The following OSBPL6 variants were observed in gnomAD, a reference collection of about 807,000 sequenced individuals.
The protein encoded by OSBPL6 is oxysterol-binding protein-related protein 6.
OSBPL6 carries 49 observed loss-of-function variants against 125.8 expected under a neutral mutation model. The observed-to-expected ratio is 0.39, with a 90% CI of 0.31 to 0.49. The LOEUF is 0.49. Among genes scored for constraint, OSBPL6 ranks in the 20% least tolerant of loss-of-function variants. The pLI, the probability that OSBPL6 is intolerant of heterozygous loss-of-function variation, is 0.88. For synonymous variants in OSBPL6, 394 were observed against 391.8 expected (o/e 1.01, Z -0.07); for missense variants, 986 against 1,135.4 (o/e 0.87, Z 1.89).
intron 2 of OSBPL6, among the ~76,000 whole-genome samples, chr2:178,286,279 T>C (rs1206870972): frequency 6.6e-6 from 1 of 152,212 alleles, no homozygotes; most frequent in Non-Finnish European, 1.5e-5. Context: ...TGCTAGTATT[T>C]TGCATTCCCT....
At chr2:178,220,660 C>T (rs2090300106) in intron 1 of OSBPL6, among the ~76,000 whole-genome samples, 1 of 152,154 alleles carries the variant, frequency 6.6e-6, no homozygotes, top group Non-Finnish European at 1.5e-5. Flanking sequence ...TAAAATATAT[C>T]TCATAGTACA....
chr2:178,366,522 AG>A (rs1310993341), intron 13 of OSBPL6, among the ~76,000 whole-genome samples: 3 of 152,310 alleles, frequency 2.0e-5, no homozygotes, highest in East Asian at 3.9e-4. Flanking sequence ...TACTGAGAAA[AG>A]GAAAAAAAAC....
chr2:178,318,132 A>G (rs1436372602), intron 3 of OSBPL6, among the ~76,000 whole-genome samples: 1 of 152,246 alleles, frequency 6.6e-6, no homozygotes, highest in African/African-American at 2.4e-5. Flanking sequence ...GTTTATTCCC[A>G]TACCTTTTAT....
intron 1 of OSBPL6, among the ~76,000 whole-genome samples, chr2:178,198,415 G>T (rs945830347): frequency 6.6e-5 from 10 of 151,654 alleles, no homozygotes; most frequent in African/African-American, 2.4e-4. Context: ...TTCTGCCTCA[G>T]CCTCCCTAGT....
At chr2:178,320,280 AAC>A (rs1688125177) in intron 3 of OSBPL6, 1 of 1,611,676 alleles carries the variant, frequency 6.2e-7, no homozygotes, top group Non-Finnish European at 8.5e-7. Context: ...GAGATCAATG[AAC>A]ACTAACCTGA....
At chr2:178,392,287 C>A in intron 22 of OSBPL6, 125 bp from the exon 23 acceptor site, 1 of 1,151,956 alleles carries the variant, frequency 8.7e-7, no homozygotes, top group Non-Finnish European at 1.2e-6. Context: ...TTGAAAAAAT[C>A]TATAATCTTG....
At chr2:178,354,974 T>C (rs1020706947) in intron 12 of OSBPL6, among the ~76,000 whole-genome samples, 1 of 152,214 alleles carries the variant, frequency 6.6e-6, no homozygotes, top group African/African-American at 2.4e-5. Flanking sequence ...AACAACCTGC[T>C]TCTGAATGAC....
At chr2:178,378,502 C>G (rs1694099185) in intron 15 of OSBPL6, among the ~76,000 whole-genome samples, 1 of 152,210 alleles carries the variant, frequency 6.6e-6, no homozygotes, top group African/African-American at 2.4e-5. Context: ...AAATGTTCTT[C>G]TTGCTTCCAC....
chr2:178,372,195 C>G lies in OSBPL6; in HGVS notation c.1357C>G (p.Gln453Glu), dbSNP rs1693455149. 6.2e-7 allele frequency: 1 copy of G among 1,613,006 alleles called. No homozygotes were observed. The highest frequency in any genetic ancestry group is 8.5e-7 in the Non-Finnish European group (1 of 1,179,310). The change falls in exon 14 of 25, where the codon CAG becomes GAG. Residue 453 changes from glutamine to glutamate, a missense_variant. Gln to Glu is a conservative substitution (Grantham distance 29). Around this residue, in one of 3 missense-constraint regions of OSBPL6, gnomAD observed 843 missense variants for 997.3 expected, o/e 0.85. Transcript: ENST00000190611. ...ACATTCAGAGTCTATTATTTGTGAT[C>G]AGGTTGTCAGTGTAAATATTATTCC... ...RIHSESIICDQVVSVNIIPSP... is the reference protein window; with the variant it reads ...RIHSESIICDEVVSVNIIPSP...
chr2:178,224,658 G>C (rs334035), intron 1 of OSBPL6, among the ~76,000 whole-genome samples: 66,290 of 152,074 alleles, frequency 0.44, 15,820 homozygotes, highest in African/African-American at 0.64. Context: ...GTTCTGGCCA[G>C]GTGTGGTGGC....
At chr2:178,390,004 G>C (rs1022019645) in intron 21 of OSBPL6, among the ~76,000 whole-genome samples, 20 of 152,068 alleles carry the variant, frequency 1.3e-4, no homozygotes, top group African/African-American at 4.6e-4. Flanking sequence ...AGACTCGTAA[G>C]GTACCTAGAA....
intron 9 of OSBPL6, among the ~76,000 whole-genome samples, chr2:178,337,193 C>T (rs12618595): frequency 2.0e-5 from 3 of 151,982 alleles, no homozygotes; most frequent in Non-Finnish European, 2.9e-5. Context: ...CTGTTTAATA[C>T]GGCTCAATTA....
chr2:178,298,539 T>A lies in OSBPL6; in HGVS notation c.-155-7491T>A, dbSNP rs540458192. On this transcript the variant is annotated intron_variant, in intron 2 of 24. Coordinates refer to ENST00000190611, the MANE Select transcript of OSBPL6 (RefSeq NM_032523.4). ...CCCAGGTTCAAGCAATTCTCCTGCC[T>A]CAGCCTCTTGAGTAGCTGAGATTAC... Among the ~76,000 whole-genome samples the A allele has an allele frequency of 9.8e-5, 15 of 152,300 alleles. No homozygotes were observed. In the South Asian group the frequency reaches 2.5e-3, roughly 25 times the overall value.
chr2:178,332,824 A>T, intron 7 of OSBPL6, 47 bp from the exon 8 acceptor site: 1 of 1,609,190 alleles, frequency 6.2e-7, no homozygotes, highest in Non-Finnish European at 8.5e-7. Context: ...AGTGGTAGGC[A>T]GGAGAGTTAT....
intron 7 of OSBPL6, 33 bp downstream of exon 7, chr2:178,332,787 T>C: frequency 6.2e-7 from 1 of 1,610,778 alleles, no homozygotes; most frequent in East Asian, 2.2e-5. Flanking sequence ...TCTCTGCCAT[T>C]ATCAGGGGAA....
chr2:178,277,831 C>G (rs575894122), intron 1 of OSBPL6, among the ~76,000 whole-genome samples: 2 of 152,138 alleles, frequency 1.3e-5, no homozygotes, highest in Non-Finnish European at 2.9e-5. Context: ...CTCTGAGGTT[C>G]TCTCTTGTCT....
At chr2:178,223,343 T>C (rs532205104) in intron 1 of OSBPL6, among the ~76,000 whole-genome samples, 2 of 152,326 alleles carry the variant, frequency 1.3e-5, no homozygotes, top group African/African-American at 2.4e-5. Context: ...TTTAAAGATA[T>C]TCCTGTTTTG....
chr2:178,341,640 A>G lies in OSBPL6; in HGVS notation c.987+1876A>G, dbSNP rs558579875. Among the ~76,000 whole-genome samples the G allele has an allele frequency of 2.6e-5, 4 of 152,340 alleles. No homozygotes were observed. The East Asian group carries it at 7.7e-4, about 29-fold the overall frequency. On this transcript the variant is annotated intron_variant, in intron 11 of 24. Coordinates refer to ENST00000190611, the MANE Select transcript of OSBPL6 (RefSeq NM_032523.4). ...AAATTGAAATCATCTCATCCCTCAAAGACACTCAAAGACAACTGCCTATTG... is the reference window on the plus strand; with the variant it reads ...AAATTGAAATCATCTCATCCCTCAAGGACACTCAAAGACAACTGCCTATTG...
intron 11 of OSBPL6, among the ~76,000 whole-genome samples, chr2:178,348,866 G>A (rs908314021): frequency 4.6e-5 from 7 of 152,172 alleles, no homozygotes; most frequent in Non-Finnish European, 1.0e-4. Context: ...TGTAAGAGAA[G>A]GTCAGCTACA....
Sources: gnomAD v4.1 joint callset for allele counts (sites outside exome capture counted in the v4.1 genomes callset) on GRCh38, gnomAD v4.1.1 for gene constraint, gnomAD v4.1.1 regional missense constraint, MANE v1.5 for transcripts, NCBI Gene and HGNC (gene_info 2026-07-23, HGNC 2026-07-21) for gene names.